EPG5: variants seen among roughly 807,000 people sequenced by gnomAD.
EPG5 encodes the protein ectopic P granules protein 5 homolog.
In EPG5, 159 loss-of-function variants were observed where a neutral mutation model predicts 302.7. The observed-to-expected ratio is 0.53, with a 90% confidence interval of 0.46 to 0.60. EPG5 has a LOEUF of 0.60. EPG5 is among the 20% of genes least tolerant of loss of function. EPG5 has a pLI of 0.00. For missense variants in EPG5, 2,896 were observed against 3,092.4 expected, an observed-to-expected ratio of 0.94 and a Z score of 1.51; for synonymous variants, 1,158 against 1,136.8, an observed-to-expected ratio of 1.02 and a Z score of -0.37.
chr18:45,959,142 C>T (rs778377209), intron 1 of EPG5, among the ~76,000 whole-genome samples: 11 of 152,320 alleles, frequency 7.2e-5, no homozygotes, highest in South Asian at 6.2e-4. Flanking sequence ...CTCGATGAAT[C>T]GGCTCTGTCT....
At chr18:45,961,876 A>C (rs931649349) in intron 1 of EPG5, among the ~76,000 whole-genome samples, 1 of 150,996 alleles carries the variant, frequency 6.6e-6, no homozygotes, top group Admixed American at 6.6e-5. Context: ...AAAAAAAAAA[A>C]CTATCCAGAC....
Position 45,882,375 on chromosome 18 carries a change from T to A in EPG5, c.5417A>T (p.Asp1806Val), listed in dbSNP as rs752340942. 3.1e-6 allele frequency: 5 copies of A among 1,614,166 alleles called. No individual in the cohort carries two copies. The South Asian group carries it at 3.3e-5, about 11-fold the overall frequency. Residue 1806 changes from aspartate (D) to valine (V), a missense_variant, in exon 31 of 44, where the codon GAT becomes GTT. Coordinates refer to ENST00000282041, the MANE Select transcript of EPG5 (RefSeq NM_020964.3). Reference sequence around the variant, plus strand: ...GAAAAGATTAAATGGCATCAAAATATCCTCATCTGGTTCAAGGCCCCAGGC... The same window carrying A: ...GAAAAGATTAAATGGCATCAAAATAACCTCATCTGGTTCAAGGCCCCAGGC... ...LTAWGLEPDE[D>V]ILMPFNLFCK...
At chr18:45,953,179 A>T (rs2050950091) in intron 2 of EPG5, 2 of 610,004 alleles carry the variant, frequency 3.3e-6, no homozygotes, top group Non-Finnish European at 4.1e-6. Flanking sequence ...TCTAAAAAAA[A>T]AGTAGTAGTC....
chr18:45,899,374 T>C, intron 27 of EPG5, 30 bp downstream of exon 27: 2 of 1,612,538 alleles, frequency 1.2e-6, no homozygotes, highest in Non-Finnish European at 1.7e-6. Context: ...ATTAAAATTC[T>C]CTCAGTTCTG....
At chr18:45,907,132 T>A (rs980324641) in intron 24 of EPG5, 1 of 151,936 alleles carries the variant, frequency 6.6e-6, no homozygotes, top group African/African-American at 2.4e-5. Flanking sequence ...AGGCAAGGAA[T>A]GAAGGAAAGA....
the EPG5 span, among the ~76,000 whole-genome samples, chr18:45,830,018 C>G: frequency 6.6e-6 from 1 of 152,156 alleles, no homozygotes; most frequent in Non-Finnish European, 1.5e-5. Flanking sequence ...GTCTTTAATT[C>G]CAGGCATTAG....
At chr18:45,925,372 C>A (rs539657801) in intron 14 of EPG5, among the ~76,000 whole-genome samples, 1 of 152,162 alleles carries the variant, frequency 6.6e-6, no homozygotes, top group African/African-American at 2.4e-5. Flanking sequence ...ACTTAGGAGG[C>A]TGATGCAGGA....
chr18:45,873,077 C>T (rs1472180734), intron 35 of EPG5, among the ~76,000 whole-genome samples: 1 of 152,208 alleles, frequency 6.6e-6, no homozygotes, highest in African/African-American at 2.4e-5. Context: ...CTTCATCCTA[C>T]CTTGCAAAGC....
At chr18:45,804,314 A>G in the EPG5 span, among the ~76,000 whole-genome samples, 20 of 152,320 alleles carry the variant, frequency 1.3e-4, no homozygotes, top group Non-Finnish European at 2.2e-4. Flanking sequence ...TAACATACCT[A>G]CAATTGAACT....
Position 45,849,302 on chromosome 18 carries a change from C to T in EPG5, c.*3165G>A, listed in dbSNP as rs898127168. 4 of 152,282 alleles carry T rather than the reference C, an allele frequency of 2.6e-5. No individual in the cohort carries two copies. The highest frequency in any genetic ancestry group is 2.6e-4 in the Admixed American group (4 of 15,292). The allele number at this position is 152,282 out of a possible 1,614,324, so 9.4% of individuals were successfully genotyped here. A position where few individuals can be genotyped will look rare whatever the true frequency, so the allele number is the denominator to read the frequency against. On this transcript the variant is annotated 3_prime_UTR_variant, in exon 44 of 44. Transcript: ENST00000282041. The stretch of plus-strand genomic sequence containing the variant: ...CATCTTGGTTCAATAGAAAGCAGAA[C>T]TACAGAGCCTGCGGATGGCAGCCTA...
chr18:45,813,861 T>C, the EPG5 span, among the ~76,000 whole-genome samples: 1 of 152,092 alleles, frequency 6.6e-6, no homozygotes, highest in Non-Finnish European at 1.5e-5. Context: ...CACGTATACA[T>C]ATGTAACAAA....
chr18:45,838,419 C>T, the EPG5 span: 1 of 491,882 alleles, frequency 2.0e-6, no homozygotes, highest in Non-Finnish European at 3.5e-6. Context: ...ATAATGGCCA[C>T]TTAGCATTTG....
At chr18:45,827,769 G>A in the EPG5 span, among the ~76,000 whole-genome samples, 2 of 152,200 alleles carry the variant, frequency 1.3e-5, no homozygotes, top group Non-Finnish European at 2.9e-5. Context: ...CAAGAGAGCC[G>A]AGGCTTTGGG....
Position 45,922,424 on chromosome 18 carries a change from C to T in EPG5, c.3015G>A (p.Thr1005=), listed in dbSNP as rs759013424. 6.2e-7 allele frequency: 1 copy of T among 1,614,148 alleles called. No individual in the cohort carries two copies. The highest frequency in any genetic ancestry group is 2.2e-5 in the East Asian group (1 of 44,884). Residue 1005 remains threonine, a synonymous_variant, in exon 16 of 44, where the codon ACG becomes ACA. Transcript: ENST00000282041. ...VTVPDMTESP[T]FHPLLKAVKA... ...TCACAGCCTTCAAGAGAGGATGAAA[C>T]GTGGGTGACTCTGTCATGTCAGGCA...
In EPG5 at chr18:45,952,656, A is replaced by C. The variant is rs77386501; in HGVS notation, c.1009-13T>G. The C allele has an allele frequency of 6.2e-7, 1 of 1,612,558 alleles. No homozygotes were observed. Among genetic ancestry groups the C allele is most frequent in the Non-Finnish European group, 8.5e-7 (1 of 1,178,904 alleles). ...CTGCACAGATACCCTACCAGAGGAC[A>C]AAAAGGTACAATATGAAACCAGTTA... On this transcript the variant is annotated splice_polypyrimidine_tract_variant and intron_variant, in intron 2 of 43. Transcript: ENST00000282041.
chr18:45,917,160 G>A (rs770396561), intron 17 of EPG5, among the ~76,000 whole-genome samples: 1 of 152,038 alleles, frequency 6.6e-6, no homozygotes, highest in Non-Finnish European at 1.5e-5. Flanking sequence ...CACTGTACAG[G>A]GTTCCTCCAT....
chr18:45,944,536 C>T (rs1399763654), intron 7 of EPG5, among the ~76,000 whole-genome samples: 3 of 152,126 alleles, frequency 2.0e-5, no homozygotes, highest in African/African-American at 7.2e-5. Context: ...GGGCAGATCA[C>T]CTGAGGTCAG....
intron 11 of EPG5, among the ~76,000 whole-genome samples, chr18:45,931,617 T>C (rs932518984): frequency 2.0e-5 from 3 of 152,122 alleles, no homozygotes; most frequent in African/African-American, 7.2e-5. Flanking sequence ...GGCAGATCAC[T>C]TGAAGTCAGG....
At chr18:45,957,592 A>T in intron 1 of EPG5, among the ~76,000 whole-genome samples, 1 of 152,338 alleles carries the variant, frequency 6.6e-6, no homozygotes, top group East Asian at 1.9e-4. Context: ...GGGACTCTTC[A>T]TCGCTTACGG....
Sources: gnomAD v4.1 joint callset for allele counts (sites outside exome capture counted in the v4.1 genomes callset) on GRCh38, gnomAD v4.1.1 for gene constraint, MANE v1.5 for transcripts, NCBI Gene and HGNC (gene_info 2026-07-23, HGNC 2026-07-21) for gene names.